The following KCNIP4 variants were observed in gnomAD, a reference collection of about 807,000 sequenced individuals.
The protein encoded by KCNIP4 is Kv channel-interacting protein 4.
A neutral mutation model predicts 34.0 loss-of-function variants in KCNIP4; 12 were observed. The ratio of observed to expected loss-of-function variants is 0.35; its 90% confidence interval spans 0.23 to 0.57. The LOEUF (loss-of-function observed/expected upper bound fraction) is 0.57. Among genes scored for constraint, KCNIP4 ranks in the 20% least tolerant of loss-of-function variants. KCNIP4 has a pLI of 0.83. For missense variants in KCNIP4, 238 were observed against 311.7 expected (o/e 0.76, Z 1.78); for synonymous variants, 124 against 102.2 (o/e 1.21, Z -1.29).
At chr4:21,261,112 T>G (rs904115063) in intron 1 of KCNIP4, among the ~76,000 whole-genome samples, 1 of 152,180 alleles carries the variant, frequency 6.6e-6, no homozygotes, top group Non-Finnish European at 1.5e-5. Flanking sequence ...TTGTCTGCTC[T>G]TATTTTTGCA....
At chr4:20,746,854 C>T (rs944848687) in intron 5 of KCNIP4, among the ~76,000 whole-genome samples, 1 of 152,070 alleles carries the variant, frequency 6.6e-6, no homozygotes, top group Admixed American at 6.6e-5. Context: ...TACCCTTTAT[C>T]GTAGAATCAG....
intron 1 of KCNIP4, among the ~76,000 whole-genome samples, chr4:21,057,570 T>C (rs1743531547): frequency 6.6e-6 from 1 of 152,202 alleles, no homozygotes; most frequent in Non-Finnish European, 1.5e-5. Context: ...TTTCTTGTAA[T>C]TACACTCAGT....
At chr4:21,824,827 T>C (rs1722577492) in intron 1 of KCNIP4, among the ~76,000 whole-genome samples, 1 of 152,146 alleles carries the variant, frequency 6.6e-6, no homozygotes, top group Non-Finnish European at 1.5e-5. Context: ...CAGGGCCCAG[T>C]TGCCTCCATC....
chr4:21,319,149 G>A (rs1714110846), intron 1 of KCNIP4, among the ~76,000 whole-genome samples: 1 of 152,146 alleles, frequency 6.6e-6, no homozygotes, highest in Admixed American at 6.5e-5. Flanking sequence ...ACAGGCAAAG[G>A]AAAATGGAAA....
At chr4:21,771,618 T>C (rs1718795492) in intron 1 of KCNIP4, among the ~76,000 whole-genome samples, 1 of 152,264 alleles carries the variant, frequency 6.6e-6, no homozygotes, top group Admixed American at 6.5e-5. Context: ...CCTTAGTTCC[T>C]TGAGCAGTGA....
chr4:21,677,877 G>T (rs957679109), intron 1 of KCNIP4, among the ~76,000 whole-genome samples: 1 of 152,164 alleles, frequency 6.6e-6, no homozygotes, highest in Admixed American at 6.5e-5. Flanking sequence ...AGCTTCCCAA[G>T]AAGCTGGGAC....
intron 1 of KCNIP4, among the ~76,000 whole-genome samples, chr4:20,958,701 G>A (rs1021340572): frequency 6.6e-6 from 1 of 152,164 alleles, no homozygotes; most frequent in South Asian, 2.1e-4. Context: ...ACAGAACCAC[G>A]TAAAGAGCTC....
chr4:21,833,535 G>C (rs1022470528), intron 1 of KCNIP4, among the ~76,000 whole-genome samples: 1 of 152,088 alleles, frequency 6.6e-6, no homozygotes, highest in African/African-American at 2.4e-5. Context: ...CTCCCATTTT[G>C]TAGGTTGCCT....
chr4:20,733,991 CG>C (rs749651867), intron 6 of KCNIP4, among the ~76,000 whole-genome samples: 6 of 152,136 alleles, frequency 3.9e-5, no homozygotes, highest in Non-Finnish European at 7.3e-5. Flanking sequence ...GGGGAAGTCT[CG>C]TGAGGCAAAG....
rs1739254816 is a variant in KCNIP4, at chr4:21,558,487, G to C, written c.61+390084C>G. ...AGCCTGGGCGGCAGAGTGAGATTCTGTCTCAAAAATAAATAAATAAATAAA... is the reference window on the plus strand; with the variant it reads ...AGCCTGGGCGGCAGAGTGAGATTCTCTCTCAAAAATAAATAAATAAATAAA... On this transcript the variant is annotated intron_variant, in intron 1 of 8. Coordinates refer to ENST00000382152, the MANE Select transcript of KCNIP4 (RefSeq NM_025221.6). Among the ~76,000 whole-genome samples, 3 of 78,958 alleles carry C rather than the reference G, an allele frequency of 3.8e-5. No homozygotes were observed. In the South Asian group the frequency reaches 1.3e-3, roughly 33 times the overall value. 51.8% of individuals were successfully genotyped at this position (78,958 alleles called of 152,430 possible).
chr4:21,522,234 GA>G lies in KCNIP4; in HGVS notation c.61+426336del, dbSNP rs796860587. ...TCATTTAACACTTCAGAGACTCCAGGAAAAAAAAAATTGCAGGCACCACATT... is the reference window on the plus strand; with the variant it reads ...TCATTTAACACTTCAGAGACTCCAGGAAAAAAAAATTGCAGGCACCACATT... On this transcript the variant is annotated intron_variant, in intron 1 of 8. Transcript: ENST00000382152. 3.3e-4 allele frequency among the ~76,000 whole-genome samples: 49 copies of G among 149,804 alleles called. 1 individual carries two copies. In the East Asian group the frequency reaches 3.9e-3, roughly 12 times the overall value.
intron 1 of KCNIP4, among the ~76,000 whole-genome samples, chr4:21,740,864 A>G (rs1716351680): frequency 6.6e-6 from 1 of 152,220 alleles, no homozygotes. Context: ...TCACAGGTTC[A>G]CAGATGGTCA....
At chr4:21,442,003 T>C (rs1727523685) in intron 1 of KCNIP4, among the ~76,000 whole-genome samples, 1 of 152,216 alleles carries the variant, frequency 6.6e-6, no homozygotes, top group South Asian at 2.1e-4. Context: ...TCAAGACTGG[T>C]CCTACTTTCC....
intron 1 of KCNIP4, among the ~76,000 whole-genome samples, chr4:21,236,341 G>C (rs1206640017): frequency 6.6e-6 from 1 of 152,048 alleles, no homozygotes; most frequent in African/African-American, 2.4e-5. Context: ...CAAAGAACTG[G>C]ACTGGTGACA....
chr4:20,987,451 T>C (rs1736679903), intron 1 of KCNIP4, among the ~76,000 whole-genome samples: 1 of 152,132 alleles, frequency 6.6e-6, no homozygotes, highest in Non-Finnish European at 1.5e-5. Context: ...CTTTTACCCA[T>C]TGATTCTAAG....
intron 1 of KCNIP4, chr4:20,983,803 G>A: frequency 6.5e-7 from 1 of 1,535,558 alleles, no homozygotes; most frequent in Non-Finnish European, 8.7e-7. Flanking sequence ...AGACTGGAGC[G>A]ACCACTTTAC....
chr4:21,550,271 A>G (rs1224391019), intron 1 of KCNIP4, among the ~76,000 whole-genome samples: 5 of 152,110 alleles, frequency 3.3e-5, no homozygotes, highest in Non-Finnish European at 7.4e-5. Context: ...AAAGGGATTA[A>G]CTGCTGGTCA....
chr4:21,322,365 G>A (rs1714589403), intron 1 of KCNIP4, among the ~76,000 whole-genome samples: 1 of 152,170 alleles, frequency 6.6e-6, no homozygotes, highest in African/African-American at 2.4e-5. Context: ...AGACAGTAAT[G>A]AGGAGCTGAA....
At position 21,391,749 on chromosome 4, in the gene KCNIP4, T is replaced by C. The variant is rs146381232; in HGVS notation, c.62-509040A>G. Among the ~76,000 whole-genome samples, 861 of 152,264 alleles carry C rather than the reference T, an allele frequency of 5.7e-3. 1 individual carries two copies. The highest frequency in any genetic ancestry group is 0.02 in the African/African-American group (819 of 41,540). The stretch of plus-strand genomic sequence containing the variant: ...ACTGATTCTACGGGCAGCTCAAAAG[T>C]CTTCATCAGCTGTGCTAAATTCTTC... On this transcript the variant is annotated intron_variant, in intron 1 of 8. Coordinates refer to ENST00000382152, the MANE Select transcript of KCNIP4 (RefSeq NM_025221.6).
Sources: allele counts gnomAD v4.1 joint callset (sites outside exome capture counted in the v4.1 genomes callset), GRCh38; gene constraint gnomAD v4.1.1; transcripts MANE v1.5; gene names NCBI Gene and HGNC (gene_info 2026-07-23, HGNC 2026-07-21).